GRIP1: variants seen among roughly 807,000 people sequenced by gnomAD.
The protein encoded by GRIP1 is glutamate receptor interacting protein 1.
In GRIP1, 45 loss-of-function variants were observed where a neutral mutation model predicts 129.9. That is an observed-to-expected ratio of 0.35 (90% CI 0.27 to 0.44). The LOEUF is 0.44. Ranked by LOEUF, GRIP1 falls within the 20% of genes least tolerant of loss-of-function variation. The probability of loss-of-function intolerance (pLI) is 1.00; values close to 1 mark genes in which losing one functional copy is unlikely to be tolerated. For synonymous variants in GRIP1, 530 were observed against 520.8 expected, an observed-to-expected ratio of 1.02 and a Z score of -0.24; for missense variants, 1,196 against 1,396.8, an observed-to-expected ratio of 0.86 and a Z score of 2.29.
intron 9 of GRIP1, among the ~76,000 whole-genome samples, chr12:66,462,505 C>T (rs923146506): frequency 3.3e-5 from 5 of 151,816 alleles, no homozygotes; most frequent in Non-Finnish European, 5.9e-5. Flanking sequence ...ATTTTTTCCT[C>T]GATGTTAGGG....
intron 1 of GRIP1, among the ~76,000 whole-genome samples, chr12:67,037,209 TC>T (rs1026403389): frequency 6.6e-6 from 1 of 151,880 alleles, no homozygotes; most frequent in Non-Finnish European, 1.5e-5. Context: ...GCACCTGTGG[TC>T]CCAGCTACTC....
chr12:66,930,355 T>C (rs995767790), intron 1 of GRIP1, among the ~76,000 whole-genome samples: 1 of 147,874 alleles, frequency 6.8e-6, no homozygotes, highest in Non-Finnish European at 1.5e-5. Flanking sequence ...GAACATGCGA[T>C]GTTTGGTTTT....
intron 1 of GRIP1, among the ~76,000 whole-genome samples, chr12:66,978,243 G>T (rs545599305): frequency 1.3e-5 from 2 of 151,966 alleles, no homozygotes; most frequent in Non-Finnish European, 2.9e-5. Flanking sequence ...TTTTTGATAC[G>T]TAAAGTGCAT....
At chr12:66,438,111 G>A (rs2058365768) in intron 13 of GRIP1, among the ~76,000 whole-genome samples, 1 of 152,188 alleles carries the variant, frequency 6.6e-6, no homozygotes, top group South Asian at 2.1e-4. Flanking sequence ...GGGGTTGCTG[G>A]ACAGCCTTCT....
chr12:66,698,230 G>C (rs1292726631), intron 1 of GRIP1, among the ~76,000 whole-genome samples: 4 of 152,110 alleles, frequency 2.6e-5, no homozygotes, highest in Non-Finnish European at 4.4e-5. Context: ...GCACTGAAAA[G>C]AATTAACATG....
chr12:66,850,983 C>T (rs940702482), intron 1 of GRIP1, among the ~76,000 whole-genome samples: 5 of 148,522 alleles, frequency 3.4e-5, no homozygotes, highest in Admixed American at 6.9e-5. Context: ...AGTATGATAT[C>T]TGGGATCTTT....
chr12:66,532,352 G>A (rs896166185), intron 4 of GRIP1, among the ~76,000 whole-genome samples: 2 of 152,102 alleles, frequency 1.3e-5, no homozygotes, highest in African/African-American at 4.8e-5. Context: ...AGATCAAAAA[G>A]TAGGTAGAAA....
intron 5 of GRIP1, among the ~76,000 whole-genome samples, chr12:66,529,087 A>G (rs898519557): frequency 6.6e-6 from 1 of 152,192 alleles, no homozygotes; most frequent in African/African-American, 2.4e-5. Flanking sequence ...TCAAAACCAC[A>G]ATGTGGTACC....
intron 1 of GRIP1, among the ~76,000 whole-genome samples, chr12:66,836,207 A>C (rs919383399): frequency 1.3e-5 from 2 of 152,138 alleles, no homozygotes; most frequent in Admixed American, 6.5e-5. Flanking sequence ...TGATATAATA[A>C]GTAAGCCTTC....
intron 4 of GRIP1, among the ~76,000 whole-genome samples, chr12:66,534,429 T>A (rs185000461): frequency 4.6e-5 from 7 of 152,336 alleles, no homozygotes; most frequent in African/African-American, 1.7e-4. Context: ...TTCTCTATTT[T>A]GCCTCCTACA....
chr12:67,065,141 A>C (rs1037216921), intron 1 of GRIP1: 4 of 151,970 alleles, frequency 2.6e-5, no homozygotes, highest in Admixed American at 2.0e-4. Context: ...CTCTTTATTT[A>C]TATCTAAAGG....
chr12:67,003,192 C>T (rs78440301), intron 1 of GRIP1, among the ~76,000 whole-genome samples: 1,523 of 152,250 alleles, frequency 0.01, 40 homozygotes, highest in Admixed American at 0.055. Flanking sequence ...CCTCTTCCAA[C>T]GCCCTTCTTT....
At chr12:67,068,932 C>T in intron 1 of GRIP1, 4 of 265,394 alleles carry the variant, frequency 1.5e-5, no homozygotes, top group Non-Finnish European at 2.3e-5. Context: ...CCTGAGGGCG[C>T]GGCGCCCCTC....
rs140295441 is a variant in GRIP1 at position 66,969,886 on chromosome 12, T to C, written c.58+99164A>G. ...TCTAATGTCTAGCTTTTCCTTTTGATCTTTTCTTAGCTCTTTCATCGCTCC... is the reference window on the plus strand; with the variant it reads ...TCTAATGTCTAGCTTTTCCTTTTGACCTTTTCTTAGCTCTTTCATCGCTCC... On this transcript the variant is annotated intron_variant, in intron 1 of 1. Coordinates refer to the GRIP1 transcript ENST00000643019. Among the ~76,000 whole-genome samples, 360 of 152,300 alleles carry C rather than the reference T, an allele frequency of 2.4e-3. 1 individual carries two copies. The highest frequency in any genetic ancestry group is 8.2e-3 in the African/African-American group (340 of 41,566).
At chr12:66,507,620 C>T (rs1196439596) in intron 7 of GRIP1, among the ~76,000 whole-genome samples, 1 of 152,068 alleles carries the variant, frequency 6.6e-6, no homozygotes, top group African/African-American at 2.4e-5. Context: ...ATAATCTCTT[C>T]TGAAGACTCA....
At chr12:66,354,109 T>C (rs1592673433) in intron 23 of GRIP1, among the ~76,000 whole-genome samples, 2 of 152,300 alleles carry the variant, frequency 1.3e-5, no homozygotes, top group East Asian at 3.9e-4. Flanking sequence ...GACCTGAATG[T>C]GTCTCTATGA....
intron 1 of GRIP1, among the ~76,000 whole-genome samples, chr12:66,852,899 G>T (rs1243848728): frequency 6.6e-6 from 1 of 151,840 alleles, no homozygotes; most frequent in Non-Finnish European, 1.5e-5. Flanking sequence ...AATCATTAGT[G>T]CTATCAGCAT....
chr12:66,709,795 A>C (rs545344857), intron 1 of GRIP1, among the ~76,000 whole-genome samples: 30 of 152,152 alleles, frequency 2.0e-4, no homozygotes, highest in Middle Eastern at 6.8e-3. Context: ...AAAGACTCAG[A>C]TGAACAGAAT....
At chr12:66,669,620 C>T (rs1475612685) in intron 1 of GRIP1, among the ~76,000 whole-genome samples, 1 of 152,174 alleles carries the variant, frequency 6.6e-6, no homozygotes. Context: ...TATGAATACA[C>T]AGAGCAGGAG....
Sources: allele counts gnomAD v4.1 joint callset (sites outside exome capture counted in the v4.1 genomes callset), GRCh38; gene constraint gnomAD v4.1.1; transcripts MANE v1.5; gene names NCBI Gene and HGNC (gene_info 2026-07-23, HGNC 2026-07-21).